The following EDIL3 variants were observed in gnomAD, a reference collection of about 807,000 sequenced individuals.
EDIL3 encodes the protein EGF like and discoidin domains 3.
A neutral mutation model predicts 67.4 loss-of-function variants in EDIL3; 37 were observed. That is an observed-to-expected ratio of 0.55 (90% CI 0.42 to 0.72). EDIL3 has a LOEUF of 0.72. EDIL3 is among the 30% of genes least tolerant of loss of function. The pLI, the probability that EDIL3 is intolerant of heterozygous loss-of-function variation, is 0.00. For synonymous variants in EDIL3, 195 were observed against 196.3 expected (o/e 0.99, Z 0.05); for missense variants, 527 against 586.3 (o/e 0.90, Z 1.04).
chr5:83,974,922 T>C (rs1744854465), intron 9 of EDIL3, among the ~76,000 whole-genome samples: 1 of 152,026 alleles, frequency 6.6e-6, no homozygotes, highest in Non-Finnish European at 1.5e-5. Flanking sequence ...CTAATATCTA[T>C]TTCCTTAATA....
At chr5:84,181,754 G>A (rs548318030) in intron 3 of EDIL3, among the ~76,000 whole-genome samples, 23 of 152,228 alleles carry the variant, frequency 1.5e-4, no homozygotes, top group African/African-American at 5.3e-4. Flanking sequence ...GGAAGGAAAA[G>A]CTCTCCCTGG....
intron 5 of EDIL3, among the ~76,000 whole-genome samples, chr5:84,124,021 T>C (rs192783298): frequency 2.2e-4 from 34 of 152,054 alleles, no homozygotes; most frequent in African/African-American, 7.5e-4. Flanking sequence ...CCAATCAAAA[T>C]AGATGAAGGT....
intron 1 of EDIL3, among the ~76,000 whole-genome samples, chr5:84,382,124 G>A (rs898774566): frequency 6.6e-6 from 1 of 152,190 alleles, no homozygotes; most frequent in Non-Finnish European, 1.5e-5. Flanking sequence ...TTAACAGAAA[G>A]GGCTAATGCA....
At position 84,061,736 on chromosome 5, in the gene EDIL3, A is replaced by C. The variant is rs1444299337; in HGVS notation, c.953-1252T>G. On this transcript the variant is annotated intron_variant, in intron 8 of 10. Transcript: ENST00000296591. ...AAGTACTTAGAAACAGTGCTGGCACACAGCATTCAGTCAATGTTAACTATT... is the reference window on the plus strand; with the variant it reads ...AAGTACTTAGAAACAGTGCTGGCACCCAGCATTCAGTCAATGTTAACTATT... 3.9e-5 allele frequency among the ~76,000 whole-genome samples: 6 copies of C among 152,288 alleles called. No individual in the cohort carries two copies. In the South Asian group the frequency reaches 6.2e-4, roughly 16 times the overall value.
rs533423693 is a variant in EDIL3, at chr5:84,226,897, AG to A, written c.226+2957del. On this transcript the variant is annotated intron_variant, in intron 3 of 10. Coordinates refer to ENST00000296591, the MANE Select transcript of EDIL3 (RefSeq NM_005711.5). ...AAATGTTCAGTTGCATTTCACAAAA[AG>A]GCCTTCTTAGTGAGGAGAGAAGTTA... Among the ~76,000 whole-genome samples the A allele has an allele frequency of 9.9e-4, 151 of 152,126 alleles. 1 individual carries two copies. Among genetic ancestry groups the A allele is most frequent in the African/African-American group, 3.6e-3 (149 of 41,556 alleles).
At chr5:84,118,440 T>C (rs1357281272) in intron 5 of EDIL3, among the ~76,000 whole-genome samples, 1 of 152,180 alleles carries the variant, frequency 6.6e-6, no homozygotes, top group Non-Finnish European at 1.5e-5. Context: ...GGTAATTTAA[T>C]TGGGAAATAA....
intron 3 of EDIL3, among the ~76,000 whole-genome samples, chr5:84,192,230 C>T (rs1287144708): frequency 6.6e-6 from 1 of 151,944 alleles, no homozygotes; most frequent in Admixed American, 6.6e-5. Flanking sequence ...CCTAACTGAT[C>T]TCCTGCTCTT....
intron 7 of EDIL3, among the ~76,000 whole-genome samples, chr5:84,065,550 T>A (rs1746623881): frequency 1.6e-5 from 2 of 125,182 alleles, no homozygotes; most frequent in South Asian, 2.5e-4. Flanking sequence ...GAGTCTGGTA[T>A]AATGCCTGAT....
At chr5:84,226,745 T>A (rs1430738066) in intron 3 of EDIL3, among the ~76,000 whole-genome samples, 1 of 151,980 alleles carries the variant, frequency 6.6e-6, no homozygotes, top group South Asian at 2.1e-4. Context: ...TGTTCTATTT[T>A]AAAAATCTAT....
At chr5:83,963,406 G>T (rs11746605) in intron 9 of EDIL3, 46 bp from the exon 10 acceptor site, 430,162 of 1,535,524 alleles carry the variant, frequency 0.28, 60,856 homozygotes, top group East Asian at 0.38. Flanking sequence ...CAACCAAGTT[G>T]TAAACTTCCA....
intron 1 of EDIL3, among the ~76,000 whole-genome samples, chr5:84,293,452 G>A (rs1342331564): frequency 6.6e-6 from 1 of 150,632 alleles, no homozygotes; most frequent in African/African-American, 2.5e-5. Flanking sequence ...CTTAACCACT[G>A]TGCTACAGCT....
At chr5:84,118,935 C>A (rs1747722003) in intron 5 of EDIL3, among the ~76,000 whole-genome samples, 1 of 152,066 alleles carries the variant, frequency 6.6e-6, no homozygotes, top group African/African-American at 2.4e-5. Flanking sequence ...AATATGGGAA[C>A]TGTGCTGGTT....
At chr5:84,301,241 C>G (rs1033650536) in intron 1 of EDIL3, among the ~76,000 whole-genome samples, 4 of 148,310 alleles carry the variant, frequency 2.7e-5, no homozygotes, top group Non-Finnish European at 5.9e-5. Context: ...GCACTCCAGC[C>G]TGGGCAACAA....
At chr5:84,294,698 C>T (rs1746006899) in intron 1 of EDIL3, among the ~76,000 whole-genome samples, 1 of 152,068 alleles carries the variant, frequency 6.6e-6, no homozygotes, top group Admixed American at 6.6e-5. Flanking sequence ...GTAGATTGCA[C>T]AGTTAGGAAA....
intron 1 of EDIL3, among the ~76,000 whole-genome samples, chr5:84,373,954 A>G (rs1320538640): frequency 6.6e-6 from 1 of 152,176 alleles, no homozygotes; most frequent in African/African-American, 2.4e-5. Context: ...GTTTAATATC[A>G]GAATGTTAAA....
intron 1 of EDIL3, among the ~76,000 whole-genome samples, chr5:84,367,633 A>C: frequency 6.6e-6 from 1 of 152,072 alleles, no homozygotes; most frequent in East Asian, 1.9e-4. Context: ...AATACAAAAA[A>C]TTAGCTGGGC....
At chr5:84,238,293 T>C (rs1411041657) in intron 2 of EDIL3, among the ~76,000 whole-genome samples, 1 of 152,058 alleles carries the variant, frequency 6.6e-6, no homozygotes, top group Non-Finnish European at 1.5e-5. Flanking sequence ...TATTCCAAAA[T>C]AATTCAGAAA....
At chr5:84,322,813 G>C (rs1459768924) in intron 1 of EDIL3, among the ~76,000 whole-genome samples, 1 of 151,852 alleles carries the variant, frequency 6.6e-6, no homozygotes, top group Non-Finnish European at 1.5e-5. Context: ...AATTTTTAAG[G>C]CAGCAAAAAG....
chr5:84,376,165 A>G (rs1747961825), intron 1 of EDIL3, among the ~76,000 whole-genome samples: 2 of 152,188 alleles, frequency 1.3e-5, no homozygotes, highest in Non-Finnish European at 2.9e-5. Context: ...CAATAATAAT[A>G]GCACCTGCCT....
Sources: allele counts gnomAD v4.1 joint callset (sites outside exome capture counted in the v4.1 genomes callset), GRCh38; gene constraint gnomAD v4.1.1; transcripts MANE v1.5; gene names NCBI Gene and HGNC (gene_info 2026-07-23, HGNC 2026-07-21).